The following IL1RAP variants were observed in gnomAD, a reference collection of about 807,000 sequenced individuals.
IL1RAP encodes interleukin 1 receptor accessory protein.
In IL1RAP, 35 loss-of-function variants were observed where a neutral mutation model predicts 60.7. That is an observed-to-expected ratio of 0.58 (90% confidence interval 0.44 to 0.76). The LOEUF is 0.76. Among genes scored for constraint, IL1RAP ranks in the 30% least tolerant of loss-of-function variants. IL1RAP has a pLI of 0.00. For synonymous variants in IL1RAP, 268 were observed against 250.9 expected, an observed-to-expected ratio of 1.07 and a Z score of -0.64; for missense variants, 572 against 693.9, an observed-to-expected ratio of 0.82 and a Z score of 1.97.
At chr3:190,611,684 G>C (rs1730837816) in intron 5 of IL1RAP, among the ~76,000 whole-genome samples, 1 of 152,156 alleles carries the variant, frequency 6.6e-6, no homozygotes, top group Non-Finnish European at 1.5e-5. Context: ...GGAGGGACTG[G>C]CAAAGTTCCT....
intron 1 of IL1RAP, among the ~76,000 whole-genome samples, chr3:190,547,658 T>G (rs942683472): frequency 1.3e-5 from 2 of 152,128 alleles, no homozygotes; most frequent in Non-Finnish European, 2.9e-5. Flanking sequence ...TACCTGAAGG[T>G]AAAGGCTGCA....
chr3:190,602,690 G>A (rs1050439145), intron 3 of IL1RAP, among the ~76,000 whole-genome samples: 3 of 152,160 alleles, frequency 2.0e-5, no homozygotes, highest in African/African-American at 7.2e-5. Context: ...GTAATTAAAA[G>A]AATGATGTAA....
chr3:190,569,672 C>A (rs1726745433), intron 3 of IL1RAP, among the ~76,000 whole-genome samples: 1 of 151,732 alleles, frequency 6.6e-6, no homozygotes, highest in Admixed American at 6.6e-5. Context: ...TTTACTGTAG[C>A]CTGATTGAAA....
intron 5 of IL1RAP, among the ~76,000 whole-genome samples, chr3:190,613,007 T>C (rs78541708): frequency 0.011 from 1,654 of 152,270 alleles, 24 homozygotes; most frequent in African/African-American, 0.036. Context: ...AGCTGTGTAG[T>C]CCCAAATGAC....
chr3:190,515,530 T>G (rs1721438661), intron 1 of IL1RAP, among the ~76,000 whole-genome samples: 1 of 152,096 alleles, frequency 6.6e-6, no homozygotes, highest in South Asian at 2.1e-4. Flanking sequence ...TAATAAGAAT[T>G]TTCTGAATGT....
chr3:190,635,819 C>G (rs1469566660), intron 9 of IL1RAP, among the ~76,000 whole-genome samples: 2 of 152,180 alleles, frequency 1.3e-5, no homozygotes, highest in East Asian at 3.9e-4. Context: ...CAACTTAGAA[C>G]TACCTGAGAG....
intron 3 of IL1RAP, among the ~76,000 whole-genome samples, chr3:190,575,796 G>T (rs1256239234): frequency 6.6e-6 from 1 of 152,232 alleles, no homozygotes; most frequent in African/African-American, 2.4e-5. Flanking sequence ...GATTGGAAAA[G>T]ATTTCTGTTT....
chr3:190,515,566 A>T (rs1005247314), intron 1 of IL1RAP, among the ~76,000 whole-genome samples: 28 of 151,778 alleles, frequency 1.8e-4, no homozygotes, highest in Non-Finnish European at 3.7e-4. Context: ...TGGATCATGG[A>T]TGCTTAGCTC....
rs182345025 is a variant in IL1RAP at position 190,581,938 on chromosome 3, G to A, written c.64+17585G>A. Among the ~76,000 whole-genome samples the A allele has an allele frequency of 2.0e-5, 3 of 152,178 alleles. No individual in the cohort carries two copies. In the East Asian group the frequency reaches 5.8e-4, roughly 29 times the overall value. ...GTGACTCACAGATGGCACCAATACT[G>A]TGTTTTAAAAATGAAAAGCAAAGTG... On this transcript the variant is annotated intron_variant, in intron 3 of 11. Coordinates refer to ENST00000447382, the MANE Select transcript of IL1RAP (RefSeq NM_002182.4).
At chr3:190,634,062 G>A (rs1333246130) in intron 9 of IL1RAP, among the ~76,000 whole-genome samples, 1 of 152,040 alleles carries the variant, frequency 6.6e-6, no homozygotes, top group African/African-American at 2.4e-5. Context: ...TTTTGTGTGA[G>A]TATGTTGAGT....
At chr3:190,553,929 C>G (rs1352777225) in intron 1 of IL1RAP, among the ~76,000 whole-genome samples, 6 of 150,750 alleles carry the variant, frequency 4.0e-5, no homozygotes, top group Non-Finnish European at 8.9e-5. Flanking sequence ...GGCGTAGTGG[C>G]GGGCGCCTGT....
In IL1RAP at chr3:190,630,398, ATGAAAT is replaced by A. The variant is rs1732684229; in HGVS notation, c.1051+901_1051+906del. ...GAAAAGTAATGATGAGTTATCACAC[ATGAAAT>A]CATGAAATCAGGTCATTCAGAATCC... On this transcript the variant is annotated intron_variant, in intron 9 of 11. Coordinates refer to ENST00000447382, the MANE Select transcript of IL1RAP (RefSeq NM_002182.4). 1.4e-3 allele frequency: 3 copies of A among 2,136 alleles called. No individual in the cohort carries two copies. In the African/African-American group the frequency reaches 0.068, roughly 49 times the overall value. The allele number at this position is 2,136 out of a possible 1,614,324, so 0.1% of individuals were successfully genotyped here. A position where few individuals can be genotyped will look rare whatever the true frequency, so the allele number is the denominator to read the frequency against.
intron 5 of IL1RAP, among the ~76,000 whole-genome samples, chr3:190,618,604 C>A (rs921975994): frequency 6.6e-6 from 1 of 152,150 alleles, no homozygotes; most frequent in African/African-American, 2.4e-5. Flanking sequence ...GGGGGAAATA[C>A]CTTTGAACTG....
chr3:190,623,254 G>C (rs1458178423), intron 6 of IL1RAP, 90 bp from the exon 7 acceptor site: 2 of 936,202 alleles, frequency 2.1e-6, no homozygotes, highest in African/African-American at 3.2e-5. Flanking sequence ...AACTATGCCA[G>C]GAAGTTAGGC....
intron 7 of IL1RAP, among the ~76,000 whole-genome samples, chr3:190,626,152 G>A (rs912398409): frequency 6.6e-6 from 1 of 152,158 alleles, no homozygotes; most frequent in African/African-American, 2.4e-5. Flanking sequence ...GGGATGGAAG[G>A]TCAGTCTAGG....
chr3:190,589,484 G>A (rs1426163069), intron 3 of IL1RAP, among the ~76,000 whole-genome samples: 3 of 152,146 alleles, frequency 2.0e-5, no homozygotes, highest in South Asian at 2.1e-4. Context: ...CTGCACCGGC[G>A]TTTCGCAGGT....
intron 1 of IL1RAP, chr3:190,550,574 A>C (rs1286382992): frequency 1.3e-5 from 2 of 152,218 alleles, no homozygotes; most frequent in Non-Finnish European, 2.9e-5. Context: ...CCTTGGTCTT[A>C]CTTTCCCAAA....
chr3:190,644,456 TA>T (rs1056292951), intron 10 of IL1RAP, 59 bp downstream of exon 10: 42 of 1,299,928 alleles, frequency 3.2e-5, no homozygotes, highest in Non-Finnish European at 4.1e-5. Context: ...ACATATGTTG[TA>T]AAAAAAAGAA....
At position 190,558,058 on chromosome 3, in the gene IL1RAP, T is replaced by G. The variant is rs545826773; in HGVS notation, c.-2+1842T>G. 5.3e-5 allele frequency among the ~76,000 whole-genome samples: 8 copies of G among 152,332 alleles called. No homozygotes were observed. The South Asian group carries it at 1.7e-3, about 32-fold the overall frequency. On this transcript the variant is annotated intron_variant, in intron 2 of 11. Transcript: ENST00000447382. ...AGGCATCCTATTAAGGTTGGTTTAT[T>G]TAATTCAGCACAATGCCTTTGAGAT...
Sources: gnomAD v4.1 joint callset for allele counts (sites outside exome capture counted in the v4.1 genomes callset) on GRCh38, gnomAD v4.1.1 for gene constraint, MANE v1.5 for transcripts, NCBI Gene and HGNC (gene_info 2026-07-23, HGNC 2026-07-21) for gene names.